LIMCH1: variants seen among roughly 807,000 people sequenced by gnomAD.
The protein encoded by LIMCH1 is LIM and calponin homology domains 1.
Under a neutral mutation model 176.5 loss-of-function variants are expected in LIMCH1, and 113 were observed. That is an observed-to-expected ratio of 0.64 (90% confidence interval 0.55 to 0.75). The LOEUF (loss-of-function observed/expected upper bound fraction) is 0.75, where lower values mean the gene tolerates loss of function less well. LIMCH1 is among the 30% of genes least tolerant of loss of function. The probability of loss-of-function intolerance (pLI) is 0.00; values close to 1 mark genes in which losing one functional copy is unlikely to be tolerated. For synonymous variants in LIMCH1, 619 were observed against 645.9 expected, an observed-to-expected ratio of 0.96 and a Z score of 0.63; for missense variants, 1,674 against 1,814.9, an observed-to-expected ratio of 0.92 and a Z score of 1.41.
intron 2 of LIMCH1, among the ~76,000 whole-genome samples, chr4:41,515,378 C>T (rs916310371): frequency 2.0e-5 from 3 of 152,234 alleles, no homozygotes; most frequent in South Asian, 2.1e-4. Context: ...GGCATTGTCT[C>T]GTTCCCTCAC....
intron 2 of LIMCH1, among the ~76,000 whole-genome samples, chr4:41,518,289 A>T (rs572877017): frequency 6.6e-6 from 1 of 152,326 alleles, no homozygotes; most frequent in South Asian, 2.1e-4. Context: ...CACTATTCTT[A>T]GTGCTGTGCT....
At chr4:41,378,342 A>C (rs1377581448) in intron 1 of LIMCH1, among the ~76,000 whole-genome samples, 2 of 152,202 alleles carry the variant, frequency 1.3e-5, no homozygotes, top group Non-Finnish European at 2.9e-5. Context: ...CTGTGGGGGA[A>C]GTTATTTGGC....
rs75754397 is a variant in LIMCH1 at position 41,630,671 on chromosome 4, A to G, written c.1272-477A>G. Among the ~76,000 whole-genome samples, 142 of 152,322 alleles carry G rather than the reference A, an allele frequency of 9.3e-4. No individual in the cohort carries two copies. The East Asian group carries it at 0.022, about 24-fold the overall frequency. On this transcript the variant is annotated intron_variant, in intron 9 of 31. Transcript: ENST00000503057. ...AAAGCAATTTTGCTCTAGCCTTAAA[A>G]ATATTTTTCATATACAGTCTTCCCT...
intron 1 of LIMCH1, among the ~76,000 whole-genome samples, chr4:41,428,124 G>A (rs983806376): frequency 6.6e-6 from 1 of 152,180 alleles, no homozygotes; most frequent in Non-Finnish European, 1.5e-5. Context: ...GTTCAAAGGA[G>A]GGGTGTCGAC....
chr4:41,404,455 G>A (rs894792579), intron 1 of LIMCH1, among the ~76,000 whole-genome samples: 3 of 152,118 alleles, frequency 2.0e-5, no homozygotes, highest in African/African-American at 7.2e-5. Flanking sequence ...GTCTTGCCTT[G>A]CTCCTTGGGG....
intron 8 of LIMCH1, among the ~76,000 whole-genome samples, chr4:41,628,311 A>G (rs541009496): frequency 2.6e-5 from 4 of 151,708 alleles, no homozygotes; most frequent in Non-Finnish European, 5.9e-5. Context: ...TTAATTCCTG[A>G]TATTTCCAGC....
chr4:41,679,956 T>C, intron 23 of LIMCH1, 50 bp from the exon 24 acceptor site: 1 of 1,258,662 alleles, frequency 7.9e-7, no homozygotes, highest in Non-Finnish European at 1.1e-6. Context: ...AAATTCCCGA[T>C]GACGTATGCA....
chr4:41,663,852 TAAA>T (rs34659309), intron 20 of LIMCH1, among the ~76,000 whole-genome samples: 8 of 82,762 alleles, frequency 9.7e-5, no homozygotes, highest in East Asian at 3.2e-4. Context: ...TCTTCATCTC[TAAA>T]AAAAAAAAAA....
chr4:41,595,427 C>T (rs925174360), intron 1 of LIMCH1, among the ~76,000 whole-genome samples: 1 of 152,050 alleles, frequency 6.6e-6, no homozygotes, highest in Admixed American at 6.5e-5. Context: ...TTATTTTTTC[C>T]ACTGTGTGAA....
At chr4:41,412,684 A>C (rs2059598207) in intron 1 of LIMCH1, among the ~76,000 whole-genome samples, 1 of 152,332 alleles carries the variant, frequency 6.6e-6, no homozygotes, top group South Asian at 2.1e-4. Flanking sequence ...GGAAATGAGC[A>C]GTAGAGAGGC....
At chr4:41,425,965 T>C (rs925221539) in intron 1 of LIMCH1, among the ~76,000 whole-genome samples, 16 of 152,130 alleles carry the variant, frequency 1.1e-4, no homozygotes, top group African/African-American at 3.9e-4. Flanking sequence ...GTGAGTGGTT[T>C]TGATTTGAAA....
At chr4:41,584,190 T>C (rs1400547079) in intron 1 of LIMCH1, among the ~76,000 whole-genome samples, 1 of 152,168 alleles carries the variant, frequency 6.6e-6, no homozygotes, top group Non-Finnish European at 1.5e-5. Context: ...TAGAGACAAG[T>C]GTGGAATATA....
chr4:41,583,307 C>T (rs4540083), intron 1 of LIMCH1, among the ~76,000 whole-genome samples: 52,801 of 152,054 alleles, frequency 0.35, 14,660 homozygotes, highest in African/African-American at 0.77. Flanking sequence ...ACTGGTGGCT[C>T]TCAACATTCC....
chr4:41,466,379 T>C (rs1004513702), intron 1 of LIMCH1, among the ~76,000 whole-genome samples: 1 of 152,226 alleles, frequency 6.6e-6, no homozygotes, highest in Non-Finnish European at 1.5e-5. Context: ...AGGCCCCACT[T>C]CACAACAATT....
At chr4:41,630,615 A>G (rs1585073080) in intron 9 of LIMCH1, among the ~76,000 whole-genome samples, 1 of 152,200 alleles carries the variant, frequency 6.6e-6, no homozygotes, top group Admixed American at 6.5e-5. Flanking sequence ...AGGCAAGACA[A>G]TGATCATTTC....
intron 17 of LIMCH1, among the ~76,000 whole-genome samples, chr4:41,649,724 A>G (rs370229016): frequency 2.6e-5 from 4 of 152,232 alleles, no homozygotes; most frequent in Non-Finnish European, 5.9e-5. Flanking sequence ...TCAGTAAGCC[A>G]GGCTAACCGC....
intron 1 of LIMCH1, among the ~76,000 whole-genome samples, chr4:41,563,400 C>T (rs2082310418): frequency 1.3e-5 from 2 of 152,098 alleles, no homozygotes; most frequent in South Asian, 4.1e-4. Context: ...GTATCTGGAG[C>T]ATAGATAATC....
intron 2 of LIMCH1, among the ~76,000 whole-genome samples, chr4:41,520,404 C>G (rs2076005005): frequency 6.6e-6 from 1 of 152,172 alleles, no homozygotes; most frequent in Non-Finnish European, 1.5e-5. Flanking sequence ...TATCATTCAA[C>G]TTTTTTCTCA....
intron 1 of LIMCH1, among the ~76,000 whole-genome samples, chr4:41,365,471 C>A (rs1209752987): frequency 1.3e-5 from 2 of 152,120 alleles, no homozygotes; most frequent in African/African-American, 4.8e-5. Flanking sequence ...ATTTAATGGC[C>A]AGTAACATAT....
Sources: allele counts gnomAD v4.1 joint callset (sites outside exome capture counted in the v4.1 genomes callset), GRCh38; gene constraint gnomAD v4.1.1; transcripts MANE v1.5; gene names NCBI Gene and HGNC (gene_info 2026-07-23, HGNC 2026-07-21).